KCNQ5: variants seen among roughly 807,000 people sequenced by gnomAD.
The protein encoded by KCNQ5 is potassium voltage-gated channel subfamily KQT member 5.
A neutral mutation model predicts 98.2 loss-of-function variants in KCNQ5; 30 were observed. The observed-to-expected ratio is 0.31, with a 90% CI of 0.23 to 0.41. KCNQ5 has a LOEUF of 0.41. KCNQ5 is among the 10% of genes least tolerant of loss of function. The pLI, the probability that KCNQ5 is intolerant of heterozygous loss-of-function variation, is 1.00. For synonymous variants in KCNQ5, 458 were observed against 449.4 expected (o/e 1.02, Z -0.24); for missense variants, 835 against 1,182.5 (o/e 0.71, Z 4.31).
At chr6:72,651,496 A>G (rs1765874929) in intron 1 of KCNQ5, among the ~76,000 whole-genome samples, 1 of 152,052 alleles carries the variant, frequency 6.6e-6, no homozygotes, top group East Asian at 1.9e-4. Flanking sequence ...ATTTCCTTCT[A>G]TGCCTGGCCC....
At chr6:72,656,716 T>C (rs377365210) in intron 1 of KCNQ5, among the ~76,000 whole-genome samples, 2 of 152,172 alleles carry the variant, frequency 1.3e-5, no homozygotes, top group Admixed American at 1.3e-4. Flanking sequence ...CTTCCTGATA[T>C]TTATGCTCTA....
intron 1 of KCNQ5, among the ~76,000 whole-genome samples, chr6:72,915,700 G>A (rs886497454): frequency 4.0e-5 from 6 of 151,248 alleles, no homozygotes; most frequent in East Asian, 3.9e-4. Context: ...ACACAATCAC[G>A]CACACACACA....
chr6:72,676,595 T>C (rs2154473578), intron 1 of KCNQ5, among the ~76,000 whole-genome samples: 1 of 152,330 alleles, frequency 6.6e-6, no homozygotes, highest in Non-Finnish European at 1.5e-5. Context: ...TGGTAATTAG[T>C]ATGAAATTTT....
At chr6:73,116,678 A>AAAT (rs773950953) in intron 7 of KCNQ5, among the ~76,000 whole-genome samples, 2 of 152,068 alleles carry the variant, frequency 1.3e-5, no homozygotes, top group African/African-American at 2.4e-5. Context: ...CCTGTCTCAA[A>AAAT]AATAATAATA....
chr6:72,739,920 T>A (rs1215295220), intron 1 of KCNQ5, among the ~76,000 whole-genome samples: 1 of 152,222 alleles, frequency 6.6e-6, no homozygotes, highest in Non-Finnish European at 1.5e-5. Context: ...GGTAACAAGA[T>A]ACCATAAACT....
chr6:72,688,481 A>G (rs995618879), intron 1 of KCNQ5, among the ~76,000 whole-genome samples: 1 of 152,226 alleles, frequency 6.6e-6, no homozygotes, highest in Non-Finnish European at 1.5e-5. Flanking sequence ...AGGAGAATTT[A>G]CAGGGTCTCT....
chr6:73,036,393 A>C lies in KCNQ5; in HGVS notation c.490-5543A>C, dbSNP rs1464548636. On this transcript the variant is annotated intron_variant, in intron 2 of 13. Transcript: ENST00000370398. ...AGCGCGAGACTCTGTCTCAAAAAAA[A>C]AAAAAAAAAAAAAAAAAAAGATATC... Among the ~76,000 whole-genome samples the C allele has an allele frequency of 2.7e-3, 83 of 31,038 alleles. 1 individual carries two copies. The highest frequency in any genetic ancestry group is 3.6e-3 in the African/African-American group (83 of 22,900). The allele number at this position is 31,038 out of a possible 152,430, so 20.4% of individuals were successfully genotyped here. A position where few individuals can be genotyped will look rare whatever the true frequency, so the allele number is the denominator to read the frequency against.
At chr6:72,723,943 T>C (rs1770119948) in intron 1 of KCNQ5, among the ~76,000 whole-genome samples, 2 of 152,232 alleles carry the variant, frequency 1.3e-5, no homozygotes, top group South Asian at 4.1e-4. Context: ...AAGTAAGGTC[T>C]GTTACATCTT....
intron 1 of KCNQ5, among the ~76,000 whole-genome samples, chr6:72,714,506 T>C (rs1215282088): frequency 6.6e-6 from 1 of 152,154 alleles, no homozygotes; most frequent in Non-Finnish European, 1.5e-5. Context: ...TATTGTTAAA[T>C]ACTCTGCTTT....
At chr6:72,701,818 G>A (rs182664660) in intron 1 of KCNQ5, among the ~76,000 whole-genome samples, 1 of 152,150 alleles carries the variant, frequency 6.6e-6, no homozygotes, top group East Asian at 1.9e-4. Flanking sequence ...GGGCTCAAGT[G>A]ATCCTGCCAA....
At chr6:73,049,280 T>C (rs1003504122) in intron 3 of KCNQ5, among the ~76,000 whole-genome samples, 1 of 152,224 alleles carries the variant, frequency 6.6e-6, no homozygotes, top group Non-Finnish European at 1.5e-5. Flanking sequence ...AAGCTTCATT[T>C]CTATTAAGAG....
chr6:73,044,647 T>G (rs367620899), intron 3 of KCNQ5, among the ~76,000 whole-genome samples: 1 of 152,228 alleles, frequency 6.6e-6, no homozygotes, highest in East Asian at 1.9e-4. Flanking sequence ...CTGTTGAGAC[T>G]ATTTCTAGGC....
rs1778185603 is a variant in KCNQ5, at chr6:72,871,081, C to A, written c.399-132827C>A. 2.0e-5 allele frequency among the ~76,000 whole-genome samples: 3 copies of A among 152,144 alleles called. No homozygotes were observed. The South Asian group carries it at 6.2e-4, about 32-fold the overall frequency. ...TGATGCTTTTCATACAGTAATAGTCCCTGTTGAGCATCCTCTATGCCCCAG... is the reference window on the plus strand; with the variant it reads ...TGATGCTTTTCATACAGTAATAGTCACTGTTGAGCATCCTCTATGCCCCAG... On this transcript the variant is annotated intron_variant, in intron 1 of 13. Coordinates refer to ENST00000370398, the MANE Select transcript of KCNQ5 (RefSeq NM_019842.4).
chr6:72,813,942 G>A (rs1304324645), intron 1 of KCNQ5, among the ~76,000 whole-genome samples: 1 of 152,116 alleles, frequency 6.6e-6, no homozygotes, highest in East Asian at 1.9e-4. Flanking sequence ...AGGCATTTAG[G>A]AGCAGTGGCT....
At chr6:72,686,217 A>C (rs1270679288) in intron 1 of KCNQ5, among the ~76,000 whole-genome samples, 1 of 152,204 alleles carries the variant, frequency 6.6e-6, no homozygotes, top group Non-Finnish European at 1.5e-5. Flanking sequence ...ACTGTGTAAA[A>C]TTTTGGCAGA....
At chr6:72,918,470 C>A (rs1780261091) in intron 1 of KCNQ5, among the ~76,000 whole-genome samples, 1 of 151,632 alleles carries the variant, frequency 6.6e-6, no homozygotes, top group Non-Finnish European at 1.5e-5. Flanking sequence ...GTGAACGTGT[C>A]TCAAGATCAT....
At chr6:72,944,374 A>C (rs1369092396) in intron 1 of KCNQ5, among the ~76,000 whole-genome samples, 1 of 152,186 alleles carries the variant, frequency 6.6e-6, no homozygotes, top group Non-Finnish European at 1.5e-5. Flanking sequence ...AAACAAATCA[A>C]GGTCAATTCT....
intron 1 of KCNQ5, among the ~76,000 whole-genome samples, chr6:72,796,955 A>C (rs1774367808): frequency 6.6e-6 from 1 of 152,222 alleles, no homozygotes; most frequent in Non-Finnish European, 1.5e-5. Flanking sequence ...CTTAAACAAG[A>C]AAATGAACTA....
intron 1 of KCNQ5, chr6:72,986,675 T>G: frequency 1.0e-6 from 1 of 965,134 alleles, no homozygotes; most frequent in Non-Finnish European, 1.6e-6. Flanking sequence ...GCTTGGCCAT[T>G]TGGAGTTCCT....
Sources: gnomAD v4.1 joint callset for allele counts (sites outside exome capture counted in the v4.1 genomes callset) on GRCh38, gnomAD v4.1.1 for gene constraint, MANE v1.5 for transcripts, NCBI Gene and HGNC (gene_info 2026-07-23, HGNC 2026-07-21) for gene names.